The following MALRD1 variants were observed in gnomAD, a reference collection of about 807,000 sequenced individuals.
The protein encoded by MALRD1 is MAM and LDL-receptor class A domain-containing protein 1.
In MALRD1, 247 loss-of-function variants were observed where a neutral mutation model predicts 242.1. That is an observed-to-expected ratio of 1.02 (90% CI 0.92 to 1.13). MALRD1 has a LOEUF of 1.13. Ranked by LOEUF, MALRD1 falls within the 50% of genes most tolerant of loss-of-function variation. The pLI is 0.00. For missense variants in MALRD1, 2,989 were observed against 2,533.1 expected (o/e 1.18, Z -3.86); for synonymous variants, 995 against 866.6 (o/e 1.15, Z -2.60).
At chr10:19,561,714 A>T (rs1299216248) in intron 32 of MALRD1, among the ~76,000 whole-genome samples, 1 of 149,222 alleles carries the variant, frequency 6.7e-6, no homozygotes, top group African/African-American at 2.5e-5. Context: ...GCCTCTCAGC[A>T]TTTTTTTTTT....
intron 5 of MALRD1, among the ~76,000 whole-genome samples, chr10:19,118,844 G>A (rs759442957): frequency 2.0e-5 from 3 of 152,118 alleles, no homozygotes; most frequent in Non-Finnish European, 4.4e-5. Flanking sequence ...CTTGAGGAAA[G>A]AGGCCTTGGT....
chr10:19,176,761 C>T (rs377445253), intron 14 of MALRD1, among the ~76,000 whole-genome samples: 1 of 151,962 alleles, frequency 6.6e-6, no homozygotes, highest in Admixed American at 6.6e-5. Flanking sequence ...CTAAGCTCTG[C>T]GCATGTGTTC....
chr10:19,245,570 T>C (rs7090041), intron 18 of MALRD1, among the ~76,000 whole-genome samples: 12,923 of 152,238 alleles, frequency 0.085, 737 homozygotes, highest in African/African-American at 0.16. Flanking sequence ...TGAAAAATTA[T>C]AAAATATCTC....
chr10:19,427,914 G>T (rs546076385), intron 28 of MALRD1, among the ~76,000 whole-genome samples: 45 of 152,268 alleles, frequency 3.0e-4, no homozygotes, highest in African/African-American at 1.0e-3. Flanking sequence ...CAATCCCAGT[G>T]AGAAGCTTAT....
intron 28 of MALRD1, among the ~76,000 whole-genome samples, chr10:19,439,730 T>C (rs1045944030): frequency 1.3e-5 from 2 of 152,192 alleles, no homozygotes; most frequent in African/African-American, 4.8e-5. Context: ...AATAAGTATA[T>C]AATATGTGGA....
intron 31 of MALRD1, among the ~76,000 whole-genome samples, chr10:19,509,952 C>T (rs1281782136): frequency 1.4e-5 from 2 of 137,968 alleles, no homozygotes; most frequent in East Asian, 4.4e-4. Context: ...AGAGGATCCG[C>T]TCCAGCACCA....
intron 24 of MALRD1, among the ~76,000 whole-genome samples, chr10:19,342,159 G>A (rs753086361): frequency 2.6e-5 from 4 of 151,974 alleles, no homozygotes; most frequent in East Asian, 1.9e-4. Context: ...TTATCATTTC[G>A]TAATTAGTGC....
chr10:19,554,095 G>C (rs993888076), intron 32 of MALRD1, among the ~76,000 whole-genome samples: 4 of 152,178 alleles, frequency 2.6e-5, no homozygotes, highest in Admixed American at 1.3e-4. Flanking sequence ...GTAATAAGTA[G>C]GTTGGGTAGT....
Position 19,624,720 on chromosome 10 carries a change from G to A in MALRD1, c.6137+8797G>A, listed in dbSNP as rs182340031. On this transcript the variant is annotated intron_variant, in intron 36 of 39. Coordinates refer to ENST00000454679, the MANE Select transcript of MALRD1 (RefSeq NM_001142308.3). ...ATCTCTACTAAAAATACAAAAATTA[G>A]CCGGGGGTGATGGCACATGCCTGTA... is the stretch of plus-strand genomic sequence containing the variant. 2.5e-3 allele frequency among the ~76,000 whole-genome samples: 387 copies of A among 151,920 alleles called. 1 individual carries two copies. Among genetic ancestry groups the A allele is most frequent in the Non-Finnish European group, 4.2e-3 (287 of 67,936 alleles).
At chr10:19,244,160 A>C (rs1293409107) in intron 18 of MALRD1, among the ~76,000 whole-genome samples, 1 of 152,064 alleles carries the variant, frequency 6.6e-6, no homozygotes, top group African/African-American at 2.4e-5. Context: ...GATTCCTACC[A>C]CATCACATCA....
chr10:19,094,366 C>T (rs530025033), intron 4 of MALRD1, among the ~76,000 whole-genome samples: 98 of 130,134 alleles, frequency 7.5e-4, no homozygotes, highest in African/African-American at 9.0e-4. Flanking sequence ...CAGGTGCGTC[C>T]GTCACCCCTT....
At chr10:19,570,867 C>CTG (rs1836497829) in intron 33 of MALRD1, among the ~76,000 whole-genome samples, 1 of 151,724 alleles carries the variant, frequency 6.6e-6, no homozygotes, top group Non-Finnish European at 1.5e-5. Flanking sequence ...CTTCTTAAAA[C>CTG]TGTGTTGTTT....
intron 2 of MALRD1, among the ~76,000 whole-genome samples, chr10:19,075,218 C>T (rs1484766185): frequency 6.6e-6 from 1 of 152,050 alleles, no homozygotes; most frequent in African/African-American, 2.4e-5. Flanking sequence ...CTAATTGTGG[C>T]AGGCAGATGA....
chr10:19,540,712 A>G (rs1180871285), intron 32 of MALRD1, among the ~76,000 whole-genome samples: 1 of 152,186 alleles, frequency 6.6e-6, no homozygotes, highest in African/African-American at 2.4e-5. Flanking sequence ...CTCCAGGCAT[A>G]TGTTGAGTGA....
chr10:19,434,577 A>G (rs1834274042), intron 28 of MALRD1, among the ~76,000 whole-genome samples: 1 of 151,968 alleles, frequency 6.6e-6, no homozygotes. Flanking sequence ...GATTTAAAGA[A>G]TTATATATAT....
Position 19,530,329 on chromosome 10 carries a change from A to ATGTATAAT in MALRD1, c.5321-864_5321-863insGTATAATT, listed in dbSNP as rs1834297907. On this transcript the variant is annotated intron_variant, in intron 31 of 39. Transcript: ENST00000454679. The stretch of plus-strand genomic sequence containing the variant: ...TGTTGAAATGTTGAAATTTATATAA[A>ATGTATAAT]TATATAATATTTATATAAATATATA... 6.3e-5 allele frequency among the ~76,000 whole-genome samples: 3 copies of ATGTATAAT among 47,632 alleles called. No homozygotes were observed. The Admixed American group carries it at 8.3e-4, about 13-fold the overall frequency. The allele number at this position is 47,632 out of a possible 152,430, so 31.2% of individuals were successfully genotyped here.
chr10:19,450,736 T>G (rs546302240), intron 29 of MALRD1, among the ~76,000 whole-genome samples: 1 of 152,322 alleles, frequency 6.6e-6, no homozygotes, highest in African/African-American at 2.4e-5. Context: ...GAAATTTTTT[T>G]CCCTGTGGTT....
intron 5 of MALRD1, among the ~76,000 whole-genome samples, chr10:19,105,660 A>G (rs571883828): frequency 5.3e-5 from 8 of 152,150 alleles, no homozygotes; most frequent in African/African-American, 1.7e-4. Flanking sequence ...GTATATAAGT[A>G]TTCCCATTTA....
intron 29 of MALRD1, among the ~76,000 whole-genome samples, chr10:19,477,824 A>G (rs1836809322): frequency 1.3e-5 from 2 of 152,278 alleles, no homozygotes; most frequent in Non-Finnish European, 2.9e-5. Flanking sequence ...TGGTCATCCC[A>G]CCGTAATCTT....
Sources: gnomAD v4.1 joint callset for allele counts (sites outside exome capture counted in the v4.1 genomes callset) on GRCh38, gnomAD v4.1.1 for gene constraint, MANE v1.5 for transcripts, NCBI Gene and HGNC (gene_info 2026-07-23, HGNC 2026-07-21) for gene names.